The following RUNX3 variants were observed in gnomAD, a reference collection of about 807,000 sequenced individuals.
The protein encoded by RUNX3 is RUNX family transcription factor 3.
Under a neutral mutation model 27.7 loss-of-function variants are expected in RUNX3, and 10 were observed. That is an observed-to-expected ratio of 0.36 (90% CI 0.22 to 0.61). The LOEUF (loss-of-function observed/expected upper bound fraction) is 0.61. Among genes scored for constraint, RUNX3 ranks in the 20% least tolerant of loss-of-function variants. The pLI is 0.72. For missense variants in RUNX3, 469 were observed against 629.5 expected (o/e 0.75, Z 2.73); for synonymous variants, 270 against 269.2 (o/e 1.00, Z -0.03).
intron 3 of RUNX3, among the ~76,000 whole-genome samples, chr1:24,912,478 C>A (rs372141972): frequency 3.5e-4 from 53 of 152,180 alleles, no homozygotes; most frequent in African/African-American, 1.2e-3. Flanking sequence ...TCCAGGAGCC[C>A]CTCCTCCAGG....
At chr1:24,921,422 G>T (rs1640998446) in intron 2 of RUNX3, among the ~76,000 whole-genome samples, 1 of 152,182 alleles carries the variant, frequency 6.6e-6, no homozygotes, top group South Asian at 2.1e-4. Context: ...GAAATGAGGG[G>T]CTTCTCTGGA....
At chr1:24,929,005 C>A (rs778004262) in intron 1 of RUNX3, 33 of 456,656 alleles carry the variant, frequency 7.2e-5, no homozygotes, top group Non-Finnish European at 2.2e-5. Context: ...TGGCTGGGGG[C>A]TGCCAGGGTT....
chr1:24,935,354 G>T (rs1331908406), intron 2 of RUNX3, among the ~76,000 whole-genome samples: 5 of 152,100 alleles, frequency 3.3e-5, no homozygotes, highest in African/African-American at 9.7e-5. Context: ...CCCAGGGTTT[G>T]GTTGTGACCC....
Position 24,929,758 on chromosome 1 carries a change from G to T in RUNX3, c.111C>A (p.Ser37Arg). 6.8e-7 allele frequency: 1 copy of T among 1,464,684 alleles called. No individual in the cohort carries two copies. The highest frequency in any genetic ancestry group is 8.9e-7 in the Non-Finnish European group (1 of 1,117,502). The allele number at this position is 1,464,684 out of a possible 1,614,324, so 90.7% of individuals were successfully genotyped here. Residue 37 changes from serine (S) to arginine (R), a missense_variant, in exon 1 of 5, where the codon AGC becomes AGA. Transcript: ENST00000308873. ...GKMGENSGALSAQAAVGPGGR... is the reference protein window; with the variant it reads ...GKMGENSGALRAQAAVGPGGR... ...CTCCGGGCCCCACGGCCGCCTGCGCGCTCAGCGCGCCGCTGTTCTCGCCCA... is the reference window on the plus strand; with the variant it reads ...CTCCGGGCCCCACGGCCGCCTGCGCTCTCAGCGCGCCGCTGTTCTCGCCCA...
At chr1:24,951,072 G>A (rs1394062360) in intron 2 of RUNX3, among the ~76,000 whole-genome samples, 3 of 152,010 alleles carry the variant, frequency 2.0e-5, no homozygotes, top group Non-Finnish European at 2.9e-5. Context: ...CGGTTGTGGT[G>A]GTGCGTGCCT....
rs138812380 is a variant in RUNX3, at chr1:24,955,076, C to G, written c.58+9438G>C. Among the ~76,000 whole-genome samples, 697 of 152,300 alleles carry G rather than the reference C, an allele frequency of 4.6e-3. 3 individuals carry two copies. Among genetic ancestry groups the G allele is most frequent in the African/African-American group, 0.016 (652 of 41,554 alleles). On this transcript the variant is annotated intron_variant, in intron 2 of 6. Coordinates refer to the RUNX3 transcript ENST00000338888. ...CCTTTTGTGTGATCCTTCTTCCATA[C>G]CTTTGCCCATGCTGTTCACTCTGCT...
chr1:24,964,517 G>A (rs751877645), exon 2 of RUNX3: 66 of 1,609,956 alleles, frequency 4.1e-5, no homozygotes, highest in Non-Finnish European at 5.5e-5. Context: ...TACTCACCGC[G>A]GATGAAGGTC....
chr1:24,906,837 GC>G (rs1428586090), intron 4 of RUNX3, among the ~76,000 whole-genome samples: 1 of 152,222 alleles, frequency 6.6e-6, no homozygotes, highest in East Asian at 1.9e-4. Context: ...GGAGGCATCC[GC>G]CCCAATCCAC....
chr1:24,933,301 A>G (rs1295199646), upstream of RUNX3, among the ~76,000 whole-genome samples: 2 of 152,092 alleles, frequency 1.3e-5, no homozygotes, highest in African/African-American at 2.4e-5. Context: ...CATTTCTTTC[A>G]TTTGTAAAGT....
At chr1:24,947,848 C>G (rs539222042) in intron 2 of RUNX3, among the ~76,000 whole-genome samples, 1 of 152,314 alleles carries the variant, frequency 6.6e-6, no homozygotes, top group East Asian at 1.9e-4. Flanking sequence ...GGACCCAGAG[C>G]CCAGAGAAGT....
chr1:24,939,455 C>T (rs942099512), intron 2 of RUNX3, among the ~76,000 whole-genome samples: 2 of 152,344 alleles, frequency 1.3e-5, no homozygotes, highest in African/African-American at 4.8e-5. Context: ...GATAGATGCA[C>T]AGATAGGCCC....
At chr1:24,959,838 C>T (rs1048546750) in intron 2 of RUNX3, among the ~76,000 whole-genome samples, 4 of 152,124 alleles carry the variant, frequency 2.6e-5, no homozygotes, top group Non-Finnish European at 5.9e-5. Flanking sequence ...GAGGAGCTGC[C>T]GGCCAACTCC....
intron 2 of RUNX3, among the ~76,000 whole-genome samples, chr1:24,956,857 C>T (rs1481822187): frequency 2.6e-5 from 4 of 152,210 alleles, no homozygotes; most frequent in Admixed American, 2.0e-4. Context: ...GTTCTCCAAG[C>T]GTTCCGTCCC....
upstream of RUNX3, among the ~76,000 whole-genome samples, chr1:24,934,212 A>T (rs1641295140): frequency 6.6e-6 from 1 of 152,328 alleles, no homozygotes; most frequent in South Asian, 2.1e-4. Flanking sequence ...GAGAAATGTT[A>T]ATGAAAAATG....
At position 24,899,903 on chromosome 1, in the gene RUNX3, C is replaced by T. The variant is rs1640502272; in HGVS notation, c.*2219G>A. On this transcript the variant is annotated 3_prime_UTR_variant, in exon 5 of 5. Transcript: ENST00000308873. ...TTTACCAGCCCAGGCTGTCTGTACC[C>T]ACTTTGGGCCTTACAGACTCAGTAC... The T allele has an allele frequency of 1.3e-5, 2 of 152,398 alleles. No individual in the cohort carries two copies. Among genetic ancestry groups the T allele is most frequent in the Admixed American group, 1.3e-4 (2 of 15,284 alleles). The allele number at this position is 152,398 out of a possible 1,614,324, so 9.4% of individuals were successfully genotyped here.
chr1:24,903,414 G>T (rs995679884), intron 4 of RUNX3, among the ~76,000 whole-genome samples: 2 of 152,236 alleles, frequency 1.3e-5, no homozygotes, highest in African/African-American at 4.8e-5. Flanking sequence ...TGGCAGCAAA[G>T]TGAGACAGCA....
intron 2 of RUNX3, among the ~76,000 whole-genome samples, chr1:24,946,044 A>AGAATGAAT (rs533843893): frequency 6.6e-6 from 1 of 152,122 alleles, no homozygotes; most frequent in African/African-American, 2.4e-5. Flanking sequence ...GAAGCATTTG[A>AGAATGAAT]GAATGAATGA....
Position 24,927,760 on chromosome 1 carries a change from G to A in RUNX3, c.283-30C>T. The A allele has an allele frequency of 6.2e-7, 1 of 1,611,232 alleles. No homozygotes were observed. The highest frequency in any genetic ancestry group is 1.1e-5 in the South Asian group (1 of 91,014). ...AGACACGGGGCGGGGGGATGCAGGG[G>A]GACAGCTTAGAAAGGAAGAGGGTGA... On this transcript the variant is annotated intron_variant, in intron 1 of 4. Coordinates refer to ENST00000308873, the MANE Select transcript of RUNX3 (RefSeq NM_004350.3). The surrounding 1 kb of genome is among the most constrained non-coding windows in gnomAD (Gnocchi z 5.0).
intron 3 of RUNX3, among the ~76,000 whole-genome samples, chr1:24,908,687 C>T (rs1464964768): frequency 6.6e-6 from 1 of 152,198 alleles, no homozygotes; most frequent in Non-Finnish European, 1.5e-5. Flanking sequence ...ACTGAGGCAA[C>T]AGACATGAGA....
Sources: allele counts gnomAD v4.1 joint callset (sites outside exome capture counted in the v4.1 genomes callset), GRCh38; gene constraint gnomAD v4.1.1; non-coding constraint Gnocchi (gnomAD v3.1); transcripts MANE v1.5; gene names NCBI Gene and HGNC (gene_info 2026-07-23, HGNC 2026-07-21).